RNF220: variants seen among roughly 807,000 people sequenced by gnomAD.
The protein encoded by RNF220 is ring finger protein 220.
In RNF220, 7 loss-of-function variants were observed where a neutral mutation model predicts 67.1. That is an observed-to-expected ratio of 0.10 (90% CI 0.06 to 0.20). The LOEUF is 0.20. Ranked by LOEUF, RNF220 falls within the 10% of genes least tolerant of loss-of-function variation. The pLI, the probability that RNF220 is intolerant of heterozygous loss-of-function variation, is 1.00. For synonymous variants in RNF220, 270 were observed against 283.2 expected (o/e 0.95, Z 0.47); for missense variants, 565 against 740.3 (o/e 0.76, Z 2.75).
intron 2 of RNF220, among the ~76,000 whole-genome samples, chr1:44,505,039 T>G (rs983597389): frequency 6.6e-6 from 1 of 152,228 alleles, no homozygotes; most frequent in African/African-American, 2.4e-5. Flanking sequence ...TCGCTTTCCA[T>G]GATGCTCCTC....
intron 2 of RNF220, among the ~76,000 whole-genome samples, chr1:44,489,715 T>C (rs758765740): frequency 1.2e-4 from 18 of 152,254 alleles, no homozygotes; most frequent in Non-Finnish European, 1.5e-4. Flanking sequence ...GAACCAATCA[T>C]TGAGGCCAGG....
intron 2 of RNF220, among the ~76,000 whole-genome samples, chr1:44,529,037 G>T (rs1320217920): frequency 6.6e-6 from 1 of 152,214 alleles, no homozygotes; most frequent in Non-Finnish European, 1.5e-5. Flanking sequence ...ATTTTGTAAT[G>T]TGTAGCAAAA....
intron 2 of RNF220, among the ~76,000 whole-genome samples, chr1:44,481,135 G>A (rs1029788035): frequency 6.6e-6 from 1 of 152,080 alleles, no homozygotes; most frequent in Admixed American, 6.6e-5. Flanking sequence ...ATAAAGAAGA[G>A]CAGAAGACTG....
chr1:44,458,444 T>G (rs998441940), intron 2 of RNF220, among the ~76,000 whole-genome samples: 1 of 152,064 alleles, frequency 6.6e-6, no homozygotes, highest in African/African-American at 2.4e-5. Flanking sequence ...GGTAAGTTGC[T>G]TAGCCTTTTT....
chr1:44,480,197 A>G (rs1655667384), intron 2 of RNF220, among the ~76,000 whole-genome samples: 1 of 152,192 alleles, frequency 6.6e-6, no homozygotes, highest in Non-Finnish European at 1.5e-5. Flanking sequence ...TGAGTCCAGG[A>G]GTTTGAGACC....
chr1:44,493,871 A>T (rs751515611), intron 2 of RNF220, among the ~76,000 whole-genome samples: 9 of 152,120 alleles, frequency 5.9e-5, no homozygotes, highest in Non-Finnish European at 1.2e-4. Flanking sequence ...GGGTCTCTGT[A>T]TGGCATATGA....
In RNF220 at chr1:44,596,734, G is replaced by A. The variant is rs146025794; in HGVS notation, c.626-17431G>A. Among the ~76,000 whole-genome samples, 425 of 152,306 alleles carry A rather than the reference G, an allele frequency of 2.8e-3. 3 individuals are homozygous for A. Among genetic ancestry groups the A allele is most frequent in the African/African-American group, 9.8e-3 (406 of 41,562 alleles). Reference sequence around the variant, plus strand: ...CAAGGGACCTGGCTGGCCCAGGGAGGAGAGAAGGGCCTCTTTCTAGGCAGC... The same window carrying A: ...CAAGGGACCTGGCTGGCCCAGGGAGAAGAGAAGGGCCTCTTTCTAGGCAGC... On this transcript the variant is annotated intron_variant, in intron 2 of 14. Coordinates refer to ENST00000361799, the MANE Select transcript of RNF220 (RefSeq NM_018150.4).
At chr1:44,518,637 G>A (rs974553981) in intron 2 of RNF220, among the ~76,000 whole-genome samples, 1 of 152,116 alleles carries the variant, frequency 6.6e-6, no homozygotes, top group Non-Finnish European at 1.5e-5. Flanking sequence ...AGCACTTTAG[G>A]AGGCCAAGGC....
intron 2 of RNF220, among the ~76,000 whole-genome samples, chr1:44,549,737 G>C (rs147478370): frequency 2.6e-5 from 4 of 152,188 alleles, no homozygotes; most frequent in African/African-American, 4.8e-5. Flanking sequence ...TGTTCACCAC[G>C]TTAGGTAAAC....
At chr1:44,596,913 A>C (rs927228322) in intron 2 of RNF220, among the ~76,000 whole-genome samples, 16 of 152,256 alleles carry the variant, frequency 1.1e-4, no homozygotes, top group African/African-American at 3.6e-4. Context: ...AAAACATCAG[A>C]GTCTAAACAG....
At chr1:44,443,181 A>G (rs1404432262) in intron 2 of RNF220, among the ~76,000 whole-genome samples, 1 of 152,206 alleles carries the variant, frequency 6.6e-6, no homozygotes, top group Non-Finnish European at 1.5e-5. Flanking sequence ...AATACTCAGC[A>G]GGACCAAAAC....
chr1:44,592,656 G>A (rs1047734680), intron 2 of RNF220, among the ~76,000 whole-genome samples: 1 of 152,186 alleles, frequency 6.6e-6, no homozygotes, highest in African/African-American at 2.4e-5. Context: ...GGTGGTACAC[G>A]CTCCTCTCAT....
intron 2 of RNF220, among the ~76,000 whole-genome samples, chr1:44,569,474 G>A (rs555986888): frequency 3.3e-5 from 5 of 152,186 alleles, no homozygotes; most frequent in Non-Finnish European, 5.9e-5. Flanking sequence ...ATGGGCTGAC[G>A]ATGATAGTTT....
intron 2 of RNF220, among the ~76,000 whole-genome samples, chr1:44,458,721 A>G (rs1653454891): frequency 6.6e-6 from 1 of 152,214 alleles, no homozygotes; most frequent in Admixed American, 6.5e-5. Context: ...TGTTTAATTA[A>G]ATTATGTAAA....
In RNF220 at chr1:44,641,748, C is replaced by T. The variant is rs113211179; in HGVS notation, c.1127-2950C>T. Among the ~76,000 whole-genome samples the T allele has an allele frequency of 3.6e-3, 549 of 152,306 alleles. 7 individuals carry two copies. Among genetic ancestry groups the T allele is most frequent in the African/African-American group, 0.012 (516 of 41,562 alleles). On this transcript the variant is annotated intron_variant, in intron 8 of 14. Transcript: ENST00000361799. ...GGCAGCACAAGAGTGAAATTGGCAG[C>T]AGCAGCCTGTTCTGAACACCTGTGG...
intron 2 of RNF220, among the ~76,000 whole-genome samples, chr1:44,535,597 AG>A (rs1661158972): frequency 6.6e-6 from 1 of 152,218 alleles, no homozygotes. Flanking sequence ...GGATCTCTAA[AG>A]GAAATGTGGC....
chr1:44,556,399 CA>C (rs1368850293), intron 2 of RNF220, among the ~76,000 whole-genome samples: 1 of 150,622 alleles, frequency 6.6e-6, no homozygotes, highest in Non-Finnish European at 1.5e-5. Flanking sequence ...GCACATCAAA[CA>C]TGCTCCCTAG....
rs1648061166 is a variant in RNF220, at chr1:44,412,462, C to G, written c.365C>G (p.Pro122Arg). Residue 122 changes from proline to arginine, a missense_variant, in exon 2 of 15, where the codon CCC (proline) becomes CGC (arginine). Physicochemically the swap from Pro to Arg is moderately radical, Grantham distance 103. Transcript: ENST00000361799. This position sits in a 1 kb window ranked among gnomAD's most constrained non-coding sequence, Gnocchi z 5.3. ...CATAGTGGTGTGGGGGCTTTCCGGC[C>G]CTTTGCCTCCACCGAGGACCGGGAG... The part of the protein sequence containing the change: ...LNHSGVGAFR[P>R]FASTEDRESY... The G allele has an allele frequency of 6.2e-7, 1 of 1,611,330 alleles. No individual in the cohort carries two copies. Among genetic ancestry groups the G allele is most frequent in the African/African-American group, 1.3e-5 (1 of 74,876 alleles).
At chr1:44,526,041 C>G (rs1660345111) in intron 2 of RNF220, among the ~76,000 whole-genome samples, 1 of 152,160 alleles carries the variant, frequency 6.6e-6, no homozygotes, top group African/African-American at 2.4e-5. Flanking sequence ...CCGACCTTGA[C>G]CCTTTGATCA....
Sources: allele counts gnomAD v4.1 joint callset (sites outside exome capture counted in the v4.1 genomes callset), GRCh38; gene constraint gnomAD v4.1.1; non-coding constraint Gnocchi (gnomAD v3.1); transcripts MANE v1.5; gene names NCBI Gene and HGNC (gene_info 2026-07-23, HGNC 2026-07-21).